Variants in CDH18 observed in about 807,000 individuals in gnomAD.
The protein encoded by CDH18 is cadherin-18.
CDH18 carries 31 observed loss-of-function variants against 67.9 expected under a neutral mutation model. The observed-to-expected ratio is 0.46, with a 90% CI of 0.34 to 0.62. The LOEUF (loss-of-function observed/expected upper bound fraction) is 0.62. Among genes scored for constraint, CDH18 ranks in the 20% least tolerant of loss-of-function variants. The probability of loss-of-function intolerance (pLI) is 0.01; values close to 1 mark genes in which losing one functional copy is unlikely to be tolerated. For synonymous variants in CDH18, 362 were observed against 347.2 expected, an observed-to-expected ratio of 1.04 and a Z score of -0.48; for missense variants, 890 against 975.5, an observed-to-expected ratio of 0.91 and a Z score of 1.17.
intron 3 of CDH18, among the ~76,000 whole-genome samples, chr5:19,799,768 G>A (rs947714370): frequency 8.5e-5 from 13 of 152,102 alleles, no homozygotes; most frequent in African/African-American, 3.1e-4. Flanking sequence ...CACTGAAAAT[G>A]AGGTTCGTAT....
chr5:19,978,095 G>A (rs143706687), intron 2 of CDH18, among the ~76,000 whole-genome samples: 28 of 151,982 alleles, frequency 1.8e-4, no homozygotes, highest in Middle Eastern at 3.4e-3. Context: ...TATTGTTTGC[G>A]TGGATGAATA....
chr5:20,356,940 CACAT>C (rs1741678386), intron 1 of CDH18, among the ~76,000 whole-genome samples: 1 of 150,092 alleles, frequency 6.7e-6, no homozygotes, highest in South Asian at 2.1e-4. Context: ...TATATACACA[CACAT>C]ATATATGTAG....
chr5:19,571,269 A>G (rs907150911), intron 8 of CDH18, among the ~76,000 whole-genome samples: 1 of 152,176 alleles, frequency 6.6e-6, no homozygotes, highest in Non-Finnish European at 1.5e-5. Flanking sequence ...GGAGCAATAG[A>G]TTCTCTAGTT....
At chr5:19,669,534 T>C (rs889786276) in intron 5 of CDH18, among the ~76,000 whole-genome samples, 4 of 151,890 alleles carry the variant, frequency 2.6e-5, no homozygotes, top group African/African-American at 9.7e-5. Flanking sequence ...CAGGTGATCC[T>C]CCCGTCTCGG....
Position 20,377,508 on chromosome 5 carries a change from T to A in CDH18, c.-579-122003A>T, listed in dbSNP as rs144652757. Reference sequence around the variant, plus strand: ...AAAGTCATTTCTTTACCAAAGTGTCTCAAGTACTGTTATTCGAATCTAGAA... The same window carrying A: ...AAAGTCATTTCTTTACCAAAGTGTCACAAGTACTGTTATTCGAATCTAGAA... On this transcript the variant is annotated intron_variant, in intron 1 of 14. Transcript: ENST00000507958. Among the ~76,000 whole-genome samples, 15 of 152,314 alleles carry A rather than the reference T, an allele frequency of 9.8e-5. No homozygotes were observed. In the East Asian group the frequency reaches 2.9e-3, roughly 29 times the overall value.
chr5:19,495,566 C>A (rs1464975723), intron 11 of CDH18, among the ~76,000 whole-genome samples: 1 of 151,684 alleles, frequency 6.6e-6, no homozygotes, highest in East Asian at 1.9e-4. Context: ...CATGGAGAAA[C>A]CCCGTCTCTA....
chr5:20,196,430 A>G (rs1293809857), intron 2 of CDH18, among the ~76,000 whole-genome samples: 1 of 152,180 alleles, frequency 6.6e-6, no homozygotes, highest in African/African-American at 2.4e-5. Flanking sequence ...AGGGATCCAG[A>G]AATTAAATGC....
intron 1 of CDH18, among the ~76,000 whole-genome samples, chr5:20,329,854 G>A (rs985471520): frequency 2.1e-5 from 3 of 144,984 alleles, no homozygotes; most frequent in Admixed American, 6.9e-5. Context: ...AGTAATTCAT[G>A]ATATTTCAGA....
chr5:20,261,950 C>A (rs1744690874), intron 1 of CDH18, among the ~76,000 whole-genome samples: 1 of 150,218 alleles, frequency 6.7e-6, no homozygotes, highest in Non-Finnish European at 1.5e-5. Context: ...TAAGGATTGC[C>A]AGAGAAAAAT....
At chr5:20,334,300 A>AT (rs543093642) in intron 1 of CDH18, among the ~76,000 whole-genome samples, 155 of 146,328 alleles carry the variant, frequency 1.1e-3, no homozygotes, top group South Asian at 3.7e-3. Context: ...CGCCCGGCTA[A>AT]TTTTTTTTTT....
intron 2 of CDH18, among the ~76,000 whole-genome samples, chr5:20,172,239 T>TATATATATATATAC (rs1491444874): frequency 1.8e-5 from 1 of 54,458 alleles, no homozygotes; most frequent in Non-Finnish European, 3.7e-5. Flanking sequence ...TATATATATA[T>TATATATATATATAC]GTATATATAT....
chr5:19,942,288 C>G (rs1794904771), intron 2 of CDH18, among the ~76,000 whole-genome samples: 1 of 152,128 alleles, frequency 6.6e-6, no homozygotes, highest in Admixed American at 6.6e-5. Flanking sequence ...AATGGATTAT[C>G]ATTCTTTCCT....
At chr5:20,327,055 G>A (rs1738667519) in intron 1 of CDH18, among the ~76,000 whole-genome samples, 2 of 152,056 alleles carry the variant, frequency 1.3e-5, no homozygotes, top group African/African-American at 2.4e-5. Flanking sequence ...CAGATATGTA[G>A]CTATAATTAC....
Position 20,012,906 on chromosome 5 carries a change from G to A in CDH18, c.-517-20892C>T, listed in dbSNP as rs112694669. On this transcript the variant is annotated intron_variant, in intron 2 of 14. Coordinates refer to the CDH18 transcript ENST00000507958. ...CTACACACAGTGGGGCCTATCAGAGGGCAGAGGGTAGGAGGAGGGAGAGGA... is the reference window on the plus strand; with the variant it reads ...CTACACACAGTGGGGCCTATCAGAGAGCAGAGGGTAGGAGGAGGGAGAGGA... Among the ~76,000 whole-genome samples, 2,817 of 152,102 alleles carry A rather than the reference G, an allele frequency of 0.019. 181 individuals carry two copies. In the East Asian group the frequency reaches 0.25, roughly 13 times the overall value.
At position 19,473,151 on chromosome 5, in the gene CDH18, C is replaced by G. The variant is rs1279203404; in HGVS notation, c.*75G>C. On this transcript the variant is annotated 3_prime_UTR_variant, in exon 13 of 13. Coordinates refer to ENST00000382275, the MANE Select transcript of CDH18 (RefSeq NM_004934.5). ...AGTTCCAAGTACTGTTTCCACACTT[C>G]TTCCTTGTCATTGCTGAGGTTGTAT... 1.9e-6 allele frequency: 3 copies of G among 1,544,700 alleles called. No individual in the cohort carries two copies. Among genetic ancestry groups the G allele is most frequent in the East Asian group, 2.3e-5 (1 of 43,964 alleles).
intron 2 of CDH18, among the ~76,000 whole-genome samples, chr5:19,860,766 C>T (rs578175945): frequency 1.5e-4 from 23 of 151,904 alleles, no homozygotes; most frequent in Admixed American, 2.6e-4. Flanking sequence ...ATGATTCTTG[C>T]GGAAAGAGAT....
intron 5 of CDH18, among the ~76,000 whole-genome samples, chr5:19,637,431 T>G (rs531872239): frequency 1.4e-4 from 21 of 152,238 alleles, no homozygotes; most frequent in Non-Finnish European, 2.6e-4. Context: ...TGATTCCTAT[T>G]TCTACTTCTA....
chr5:20,557,703 G>C (rs898085277), intron 1 of CDH18, among the ~76,000 whole-genome samples: 3 of 151,952 alleles, frequency 2.0e-5, no homozygotes, highest in Non-Finnish European at 4.4e-5. Context: ...TCAAACAAAT[G>C]AGAAAATCAT....
intron 1 of CDH18, among the ~76,000 whole-genome samples, chr5:20,455,008 G>T (rs576638975): frequency 6.6e-6 from 1 of 152,044 alleles, no homozygotes; most frequent in African/African-American, 2.4e-5. Context: ...GCAAGAACAT[G>T]GAGGGCTCAT....
Sources: allele counts gnomAD v4.1 joint callset (sites outside exome capture counted in the v4.1 genomes callset), GRCh38; gene constraint gnomAD v4.1.1; transcripts MANE v1.5; gene names NCBI Gene and HGNC (gene_info 2026-07-23, HGNC 2026-07-21).